KCNH1: variants seen among roughly 807,000 people sequenced by gnomAD.
The protein encoded by KCNH1 is voltage-gated delayed rectifier potassium channel KCNH1.
In KCNH1, 27 loss-of-function variants were observed where a neutral mutation model predicts 69.2. That is an observed-to-expected ratio of 0.39 (90% CI 0.29 to 0.54). The LOEUF is 0.54. KCNH1 is among the 20% of genes least tolerant of loss of function. The probability of loss-of-function intolerance (pLI) is 0.68; values close to 1 mark genes in which losing one functional copy is unlikely to be tolerated. For missense variants in KCNH1, 798 were observed against 1,261.6 expected (o/e 0.63, Z 5.57); for synonymous variants, 456 against 487.7 (o/e 0.93, Z 0.86).
At chr1:211,004,811 C>T (rs1160685361) in intron 6 of KCNH1, among the ~76,000 whole-genome samples, 1 of 151,844 alleles carries the variant, frequency 6.6e-6, no homozygotes, top group East Asian at 1.9e-4. Flanking sequence ...ACCATGTAAA[C>T]ACTAAAAACA....
chr1:210,934,123 G>A (rs1687730752), intron 6 of KCNH1, among the ~76,000 whole-genome samples: 1 of 152,136 alleles, frequency 6.6e-6, no homozygotes, highest in Non-Finnish European at 1.5e-5. Context: ...ACATTAGTCT[G>A]GGAAAAGATT....
At chr1:211,070,311 G>A (rs867305882) in intron 5 of KCNH1, among the ~76,000 whole-genome samples, 1 of 151,654 alleles carries the variant, frequency 6.6e-6, no homozygotes, top group African/African-American at 2.4e-5. Flanking sequence ...CCAGCTACTC[G>A]GGAGGCTGAG....
At chr1:211,064,346 G>A (rs1056409820) in intron 5 of KCNH1, among the ~76,000 whole-genome samples, 1 of 152,194 alleles carries the variant, frequency 6.6e-6, no homozygotes, top group African/African-American at 2.4e-5. Flanking sequence ...GGATCACGAG[G>A]TCAGGAGATC....
At chr1:210,716,781 T>C (rs1339567264) in intron 10 of KCNH1, among the ~76,000 whole-genome samples, 1 of 152,312 alleles carries the variant, frequency 6.6e-6, no homozygotes, top group African/African-American at 2.4e-5. Context: ...GTTCCAACTA[T>C]GCAGATCACT....
At chr1:211,030,651 GT>G (rs949135643) in intron 5 of KCNH1, among the ~76,000 whole-genome samples, 42 of 151,304 alleles carry the variant, frequency 2.8e-4, no homozygotes, top group Admixed American at 1.4e-3. Context: ...AACTAAAAAA[GT>G]TTTTTTTAGA....
intron 6 of KCNH1, among the ~76,000 whole-genome samples, chr1:211,000,726 C>T (rs2102399833): frequency 6.6e-6 from 1 of 152,288 alleles, no homozygotes; most frequent in African/African-American, 2.4e-5. Flanking sequence ...GGCAAAAGAA[C>T]AAAGCTGGAG....
At chr1:210,714,796 T>C (rs1682181085) in intron 10 of KCNH1, among the ~76,000 whole-genome samples, 1 of 152,216 alleles carries the variant, frequency 6.6e-6, no homozygotes, top group Non-Finnish European at 1.5e-5. Flanking sequence ...TAGGGGCATC[T>C]TCTCTGGAGG....
chr1:211,002,557 A>C (rs946645095), intron 6 of KCNH1, among the ~76,000 whole-genome samples: 1 of 152,076 alleles, frequency 6.6e-6, no homozygotes, highest in Non-Finnish European at 1.5e-5. Context: ...GTAGACATTA[A>C]ATAATTATCC....
intron 5 of KCNH1, among the ~76,000 whole-genome samples, chr1:211,054,749 A>T (rs774009370): frequency 1.3e-5 from 2 of 152,132 alleles, no homozygotes; most frequent in Non-Finnish European, 2.9e-5. Context: ...AATGTAATCT[A>T]TAAAAGAACA....
At chr1:210,977,607 T>C (rs2102374047) in intron 6 of KCNH1, among the ~76,000 whole-genome samples, 1 of 152,322 alleles carries the variant, frequency 6.6e-6, no homozygotes, top group South Asian at 2.1e-4. Context: ...CTGACATTTT[T>C]TGGCATGAAA....
At chr1:210,696,723 G>A (rs1473612316) in intron 10 of KCNH1, among the ~76,000 whole-genome samples, 2 of 152,178 alleles carry the variant, frequency 1.3e-5, no homozygotes, top group African/African-American at 4.8e-5. Flanking sequence ...TGGTTACCAG[G>A]ACTTGGGGAG....
chr1:210,834,725 G>A (rs1685246056), intron 7 of KCNH1, among the ~76,000 whole-genome samples: 1 of 151,682 alleles, frequency 6.6e-6, no homozygotes, highest in South Asian at 2.1e-4. Flanking sequence ...ACTGTGATGT[G>A]TGATGGTATT....
intron 10 of KCNH1, among the ~76,000 whole-genome samples, chr1:210,763,519 AG>A (rs1683562927): frequency 6.6e-6 from 1 of 152,162 alleles, no homozygotes; most frequent in Non-Finnish European, 1.5e-5. Context: ...GGAAAGTCTC[AG>A]GATACAAAAT....
chr1:210,907,755 T>C (rs796847199), intron 7 of KCNH1, among the ~76,000 whole-genome samples: 50 of 152,208 alleles, frequency 3.3e-4, no homozygotes, highest in African/African-American at 1.2e-3. Flanking sequence ...GGGGTTCACA[T>C]AGCAATTGAG....
At chr1:211,108,847 T>C (rs1262715241) in intron 1 of KCNH1, among the ~76,000 whole-genome samples, 1 of 152,210 alleles carries the variant, frequency 6.6e-6, no homozygotes, top group Non-Finnish European at 1.5e-5. Flanking sequence ...CTCCCATATA[T>C]ACATAAATTG....
In KCNH1 at chr1:210,718,450, AATATATAC is replaced by A. The variant is rs1682338910; in HGVS notation, c.2113-34320_2113-34313del. Among the ~76,000 whole-genome samples, 2 of 21,802 alleles carry A rather than the reference AATATATAC, an allele frequency of 9.2e-5. 1 individual carries two copies. Among genetic ancestry groups the A allele is most frequent in the Non-Finnish European group, 1.9e-4 (2 of 10,668 alleles). The allele number at this position is 21,802 out of a possible 152,430, so 14.3% of individuals were successfully genotyped here. ...TATATACATATATGTATATATATAA[AATATATAC>A]ATATATGTATATATATAAAATATAT... On this transcript the variant is annotated intron_variant, in intron 10 of 10. Transcript: ENST00000271751.
chr1:210,864,661 T>C (rs1686065721), intron 7 of KCNH1, among the ~76,000 whole-genome samples: 1 of 152,224 alleles, frequency 6.6e-6, no homozygotes, highest in Non-Finnish European at 1.5e-5. Flanking sequence ...ATTCTGGTTT[T>C]GCTTGTCCCA....
intron 6 of KCNH1, among the ~76,000 whole-genome samples, chr1:210,924,052 T>C (rs936890011): frequency 6.6e-6 from 1 of 152,164 alleles, no homozygotes; most frequent in African/African-American, 2.4e-5. Flanking sequence ...ACTGGAGTGA[T>C]ACAAATACAG....
Position 211,133,834 on chromosome 1 carries a change from C to T in KCNH1, c.79+33G>A. 6.3e-7 allele frequency: 1 copy of T among 1,593,024 alleles called. No individual in the cohort carries two copies. Among genetic ancestry groups the T allele is most frequent in the Non-Finnish European group, 8.6e-7 (1 of 1,166,166 alleles). ...CTGCAATAAAGGCACGGATAAAACG[C>T]CCGGGTAATCGAAATCCGAATGCAC... On this transcript the variant is annotated intron_variant, in intron 1 of 10. Transcript: ENST00000271751. The surrounding 1 kb of genome is among the most constrained non-coding windows in gnomAD (Gnocchi z 5.4).
Sources: allele counts gnomAD v4.1 joint callset (sites outside exome capture counted in the v4.1 genomes callset), GRCh38; gene constraint gnomAD v4.1.1; non-coding constraint Gnocchi (gnomAD v3.1); transcripts MANE v1.5; gene names NCBI Gene and HGNC (gene_info 2026-07-23, HGNC 2026-07-21).